The following PIKFYVE variants were observed in gnomAD, a reference collection of about 807,000 sequenced individuals.
The protein encoded by PIKFYVE is 1-phosphatidylinositol 3-phosphate 5-kinase.
Under a neutral mutation model 257.9 loss-of-function variants are expected in PIKFYVE, and 122 were observed. The ratio of observed to expected loss-of-function variants is 0.47; its 90% confidence interval spans 0.41 to 0.55. PIKFYVE has a LOEUF of 0.55. Ranked by LOEUF, PIKFYVE falls within the 20% of genes least tolerant of loss-of-function variation. The probability of loss-of-function intolerance (pLI) is 0.00; values close to 1 mark genes in which losing one functional copy is unlikely to be tolerated. For synonymous variants in PIKFYVE, 892 were observed against 868.9 expected (o/e 1.03, Z -0.47); for missense variants, 2,160 against 2,536.6 (o/e 0.85, Z 3.19).
At position 208,330,763 on chromosome 2, in the gene PIKFYVE, T is replaced by C. The variant is rs76669829; in HGVS notation, c.3963+69T>C. Reference sequence around the variant, plus strand: ...TTATTTGTATGTTTTTTTTTTTTCCTGAGGAGGTTTCCTATATGGTACTGG... The same window carrying C: ...TTATTTGTATGTTTTTTTTTTTTCCCGAGGAGGTTTCCTATATGGTACTGG... On this transcript the variant is annotated intron_variant, in intron 23 of 41. Coordinates refer to ENST00000264380, the MANE Select transcript of PIKFYVE (RefSeq NM_015040.4). 11 of 1,335,270 alleles carry C rather than the reference T, an allele frequency of 8.2e-6. No individual in the cohort carries two copies. In the African/African-American group the frequency reaches 2.4e-4, roughly 29 times the overall value. 82.7% of individuals were successfully genotyped at this position (1,335,270 alleles called of 1,614,324 possible). A position where few individuals can be genotyped will look rare whatever the true frequency, so the allele number is the denominator to read the frequency against.
intron 6 of PIKFYVE, 121 bp from the exon 7 acceptor site, chr2:208,288,608 T>C (rs1689635775): frequency 8.3e-6 from 12 of 1,438,496 alleles, no homozygotes; most frequent in Non-Finnish European, 4.7e-6. Context: ...AGAACAAAAA[T>C]GACACATAAT....
intron 13 of PIKFYVE, among the ~76,000 whole-genome samples, chr2:208,313,130 T>C (rs942665664): frequency 6.6e-6 from 1 of 152,216 alleles, no homozygotes; most frequent in Admixed American, 6.5e-5. Flanking sequence ...TTTTTTTGTT[T>C]GTTTGTTTTG....
intron 7 of PIKFYVE, among the ~76,000 whole-genome samples, chr2:208,293,083 T>TG (rs1320452155): frequency 2.2e-3 from 1 of 450 alleles, no homozygotes; most frequent in African/African-American, 2.6e-3. Context: ...AGTTACATTC[T>TG]TTTTTTTTTT....
chr2:208,267,344 G>A (rs1446435457), intron 1 of PIKFYVE, among the ~76,000 whole-genome samples: 1 of 152,076 alleles, frequency 6.6e-6, no homozygotes, highest in Non-Finnish European at 1.5e-5. Context: ...AATCTCTTCT[G>A]TGGAGCAAGG....
intron 31 of PIKFYVE, among the ~76,000 whole-genome samples, chr2:208,340,835 G>C (rs1698626207): frequency 6.6e-6 from 1 of 152,008 alleles, no homozygotes; most frequent in African/African-American, 2.4e-5. Flanking sequence ...CATAATCTTT[G>C]GGAAGATACA....
At chr2:208,298,826 A>G in intron 8 of PIKFYVE, 47 bp downstream of exon 8, 1 of 1,609,274 alleles carries the variant, frequency 6.2e-7, no homozygotes, top group African/African-American at 1.3e-5. Flanking sequence ...GAGCATAGAG[A>G]ATGTTCATGT....
At chr2:208,321,968 G>A (rs561450436) in intron 17 of PIKFYVE, among the ~76,000 whole-genome samples, 1 of 152,148 alleles carries the variant, frequency 6.6e-6, no homozygotes, top group Non-Finnish European at 1.5e-5. Context: ...TGATCTGTTG[G>A]GAAATTGGAA....
intron 13 of PIKFYVE, among the ~76,000 whole-genome samples, chr2:208,312,867 A>C (rs900170732): frequency 3.3e-5 from 5 of 152,194 alleles, no homozygotes; most frequent in Admixed American, 2.6e-4. Flanking sequence ...GTTAGGCCTC[A>C]GATAATGGGA....
chr2:208,336,611 A>G, intron 27 of PIKFYVE, among the ~76,000 whole-genome samples: 1 of 152,012 alleles, frequency 6.6e-6, no homozygotes, highest in Non-Finnish European at 1.5e-5. Context: ...ATTTTTCTTT[A>G]TAATAATTTG....
At chr2:208,349,909 TA>T (rs1199670653) in intron 35 of PIKFYVE, 114 bp from the exon 36 acceptor site, 3 of 1,468,530 alleles carry the variant, frequency 2.0e-6, no homozygotes, top group Admixed American at 4.1e-5. Context: ...TTGAGTAGGA[TA>T]TTTTTACTTT....
rs1420220312 is a variant in PIKFYVE, at chr2:208,354,094, T to C, written c.6041T>C (p.Ile2014Thr). 2 of 1,613,980 alleles carry C rather than the reference T, an allele frequency of 1.2e-6. No individual in the cohort carries two copies. The highest frequency in any genetic ancestry group is 1.7e-6 in the Non-Finnish European group (2 of 1,179,888). The part of the protein sequence containing the change: ...SDSHFLSSHL[I>T]IDYSLLVGRD... ...TCCCATTTCCTTTCTAGCCACCTCA[T>C]TATAGATTATTCTTTGCTGGTTGGG... The change falls in exon 40 of 42, where the codon ATT becomes ACT. Residue 2014 changes from isoleucine to threonine, a missense_variant. By Grantham distance (89) the Ile-to-Thr change is moderately conservative. Coordinates refer to ENST00000264380, the MANE Select transcript of PIKFYVE (RefSeq NM_015040.4).
Position 208,317,904 on chromosome 2 carries a change from A to G in PIKFYVE, c.2045A>G (p.Asn682Ser), listed in dbSNP as rs141572516. 3.4e-4 allele frequency: 549 copies of G among 1,614,052 alleles called. 1 individual carries two copies. Among genetic ancestry groups the G allele is most frequent in the Admixed American group, 4.2e-4 (25 of 60,026 alleles). The change falls in exon 16 of 42, where the codon AAT becomes AGT. Residue 682 changes from asparagine (N) to serine (S), a missense_variant. Coordinates refer to ENST00000264380, the MANE Select transcript of PIKFYVE (RefSeq NM_015040.4). ...GGKKFDSVVVNGFVCTKNIAH... is the reference protein window; with the variant it reads ...GGKKFDSVVVSGFVCTKNIAH... ...AAGAAGTTTGATTCTGTGGTTGTCA[A>G]TGGCTTTGTTTGTACCAAGAACATT...
chr2:208,303,039 G>C (rs889928953), intron 10 of PIKFYVE, among the ~76,000 whole-genome samples: 1 of 152,034 alleles, frequency 6.6e-6, no homozygotes, highest in Non-Finnish European at 1.5e-5. Context: ...CCGAGATTGC[G>C]CCACTGCACT....
rs1462639278 is a variant in PIKFYVE at position 208,315,368 on chromosome 2, A to C, written c.2002A>C (p.Lys668Gln). 6.2e-7 allele frequency: 1 copy of C among 1,613,808 alleles called. No individual in the cohort carries two copies. The highest frequency in any genetic ancestry group is 1.3e-5 in the African/African-American group (1 of 74,922). ...GGATATCCGTCAGTTTGTCCACATCAAAAAAGTGAGCTCTGCTAATGTTTT... is the reference window on the plus strand; with the variant it reads ...GGATATCCGTCAGTTTGTCCACATCCAAAAAGTGAGCTCTGCTAATGTTTT... ...DMDIRQFVHI[K>Q]KIPGGKKFDS... The change falls in exon 15 of 42, where the codon AAA becomes CAA. Residue 668 changes from lysine (K) to glutamine (Q), a missense_variant. By Grantham distance (53) the Lys-to-Gln change is moderately conservative. Coordinates refer to ENST00000264380, the MANE Select transcript of PIKFYVE (RefSeq NM_015040.4).
rs1700134769 is a variant in PIKFYVE, at chr2:208,355,926, T to A, written c.*621T>A. The A allele has an allele frequency of 6.5e-6, 1 of 152,696 alleles. No homozygotes were observed. Among genetic ancestry groups the A allele is most frequent in the South Asian group, 2.1e-4 (1 of 4,830 alleles). 9.5% of individuals were successfully genotyped at this position (152,696 alleles called of 1,614,324 possible). A position where few individuals can be genotyped will look rare whatever the true frequency, so the allele number is the denominator to read the frequency against. On this transcript the variant is annotated 3_prime_UTR_variant, in exon 42 of 42. Transcript: ENST00000264380. ...TGTTTTTGAGTATGTTTGATGTTTT[T>A]AAAATTTTGTCTTCTCTGTGGAAGA...
chr2:208,351,321 T>C (rs1377464032), intron 37 of PIKFYVE, 31 bp from the exon 38 acceptor site: 24 of 1,432,246 alleles, frequency 1.7e-5, no homozygotes, highest in Non-Finnish European at 2.3e-5. Context: ...ATATTGTGAT[T>C]GAGTAAACAC....
At chr2:208,332,014 G>T (rs1336595670) in intron 23 of PIKFYVE, among the ~76,000 whole-genome samples, 1 of 151,944 alleles carries the variant, frequency 6.6e-6, no homozygotes, top group Non-Finnish European at 1.5e-5. Flanking sequence ...AAAAACTTCT[G>T]CTTTTTTATG....
intron 16 of PIKFYVE, 56 bp from the exon 17 acceptor site, chr2:208,320,193 AAGG>A: frequency 1.9e-6 from 3 of 1,578,154 alleles, no homozygotes; most frequent in Non-Finnish European, 2.6e-6. Flanking sequence ...GTTATAATTA[AAGG>A]AGGGCTGTAA....
rs1223854136 is a variant in PIKFYVE at position 208,285,889 on chromosome 2, A to T, written c.777A>T (p.Lys259Asn). ...CCCGAACACCTGTTGGGAGTAGGAA[A>T]GCCAGCCGTAACATATTTTTAGAGG... is the stretch of plus-strand genomic sequence containing the variant. Reference protein sequence around the residue: ...SEPRTPVGSRKASRNIFLEDD... With the variant: ...SEPRTPVGSRNASRNIFLEDD... Residue 259 changes from lysine (K) to asparagine (N), a missense_variant, in exon 6 of 42, where the codon AAA (lysine) becomes AAT (asparagine). Coordinates refer to ENST00000264380, the MANE Select transcript of PIKFYVE (RefSeq NM_015040.4). 4 of 1,614,060 alleles carry T rather than the reference A, an allele frequency of 2.5e-6. No homozygotes were observed. The highest frequency in any genetic ancestry group is 3.4e-6 in the Non-Finnish European group (4 of 1,180,044).
Sources: allele counts gnomAD v4.1 joint callset (sites outside exome capture counted in the v4.1 genomes callset), GRCh38; gene constraint gnomAD v4.1.1; transcripts MANE v1.5; gene names NCBI Gene and HGNC (gene_info 2026-07-23, HGNC 2026-07-21).